The following XKR9 variants were observed in gnomAD, a reference collection of about 807,000 sequenced individuals.
The protein encoded by XKR9 is XK related 9.
Under a neutral mutation model 32.0 loss-of-function variants are expected in XKR9, and 32 were observed. The observed-to-expected ratio is 1.00, with a 90% CI of 0.76 to 1.34. The LOEUF (loss-of-function observed/expected upper bound fraction) is 1.34. XKR9 is among the 40% of genes most tolerant of loss of function. XKR9 has a pLI of 0.00. For synonymous variants in XKR9, 168 were observed against 143.4 expected (o/e 1.17, Z -1.22); for missense variants, 546 against 429.7 (o/e 1.27, Z -2.39).
At chr8:70,813,836 C>A in the XKR9 span, among the ~76,000 whole-genome samples, 44,930 of 152,136 alleles carry the variant, frequency 0.3, 8,626 homozygotes, top group Non-Finnish European at 0.43. Context: ...TACTTTTACA[C>A]TGTTGGTGGG....
chr8:71,005,261 T>C, the XKR9 span, among the ~76,000 whole-genome samples: 1 of 148,558 alleles, frequency 6.7e-6, no homozygotes, highest in African/African-American at 2.5e-5. Context: ...TCGCTCTTCG[T>C]GCCCAGGCTG....
chr8:70,763,806 G>T (rs779151263), intron 2 of XKR9, among the ~76,000 whole-genome samples: 6 of 152,168 alleles, frequency 3.9e-5, no homozygotes, highest in Non-Finnish European at 8.8e-5. Flanking sequence ...CTTATACCCT[G>T]GCCTTGTTGC....
chr8:70,758,857 A>G (rs1807266509), intron 2 of XKR9, among the ~76,000 whole-genome samples: 1 of 152,184 alleles, frequency 6.6e-6, no homozygotes, highest in African/African-American at 2.4e-5. Flanking sequence ...CTCTCCTTAT[A>G]TGGCCTTACC....
the XKR9 span, among the ~76,000 whole-genome samples, chr8:70,878,079 G>T: frequency 9.2e-5 from 14 of 152,248 alleles, no homozygotes; most frequent in African/African-American, 3.4e-4. Context: ...AAGTGCAGGA[G>T]AAATAAAATC....
the XKR9 span, among the ~76,000 whole-genome samples, chr8:70,795,445 G>A: frequency 5.9e-5 from 9 of 152,164 alleles, no homozygotes; most frequent in Non-Finnish European, 1.0e-4. Context: ...ATGGACACAT[G>A]TCCACACATG....
At chr8:70,739,787 A>T (rs187494920), downstream of XKR9, among the ~76,000 whole-genome samples, 281 of 152,296 alleles carry the variant, frequency 1.8e-3, 1 homozygote, top group African/African-American at 6.4e-3. Context: ...AGAATGTTGA[A>T]TATTGGCCCC....
At chr8:70,867,031 T>C in the XKR9 span, among the ~76,000 whole-genome samples, 3 of 152,142 alleles carry the variant, frequency 2.0e-5, no homozygotes, top group African/African-American at 7.2e-5. Context: ...TTCACGCTGC[T>C]GATAAAGACA....
chr8:70,720,974 C>G (rs1379482982), intron 4 of XKR9, among the ~76,000 whole-genome samples: 2 of 152,144 alleles, frequency 1.3e-5, no homozygotes, highest in African/African-American at 4.8e-5. Context: ...TCCTCAATTT[C>G]AAAACTTGTT....
the XKR9 span, among the ~76,000 whole-genome samples, chr8:70,978,966 T>C: frequency 6.6e-6 from 1 of 152,202 alleles, no homozygotes. Flanking sequence ...ATTTCTCTTC[T>C]CACTTCATTT....
the XKR9 span, among the ~76,000 whole-genome samples, chr8:70,941,170 G>A: frequency 6.6e-6 from 1 of 151,584 alleles, no homozygotes; most frequent in African/African-American, 2.4e-5. Context: ...TCTGTCTTTT[G>A]GGATTTACAT....
At chr8:70,746,346 T>C (rs1311899593) in intron 2 of XKR9, among the ~76,000 whole-genome samples, 1 of 147,864 alleles carries the variant, frequency 6.8e-6, no homozygotes, top group Non-Finnish European at 1.5e-5. Flanking sequence ...ATAAAGAATA[T>C]AGAATATAAA....
chr8:70,755,933 T>C (rs908279107), intron 2 of XKR9, among the ~76,000 whole-genome samples: 4 of 152,044 alleles, frequency 2.6e-5, no homozygotes, highest in Non-Finnish European at 5.9e-5. Context: ...AAAAAAGATT[T>C]TGGTTTCATA....
intron 2 of XKR9, among the ~76,000 whole-genome samples, chr8:70,761,249 A>C (rs1807305027): frequency 6.6e-6 from 1 of 152,218 alleles, no homozygotes; most frequent in Admixed American, 6.5e-5. Flanking sequence ...TGCCTGGTTG[A>C]ATGGTGTTTC....
chr8:70,676,875 C>A (rs1300312951), intron 2 of XKR9, among the ~76,000 whole-genome samples: 1 of 152,024 alleles, frequency 6.6e-6, no homozygotes, highest in South Asian at 2.1e-4. Flanking sequence ...CAACCCAAAC[C>A]TGCTACTACT....
the XKR9 span, among the ~76,000 whole-genome samples, chr8:71,035,019 G>A: frequency 4.5e-4 from 68 of 152,166 alleles, no homozygotes; most frequent in African/African-American, 1.6e-3. Flanking sequence ...ATTCCTTATT[G>A]TTGGATAAAC....
chr8:70,794,795 G>A (rs559785072), downstream of XKR9, among the ~76,000 whole-genome samples: 32 of 146,084 alleles, frequency 2.2e-4, no homozygotes, highest in Non-Finnish European at 2.6e-4. Context: ...GTCTATATTC[G>A]TACGATATAA....
the XKR9 span, among the ~76,000 whole-genome samples, chr8:71,008,719 T>A: frequency 6.6e-6 from 1 of 152,324 alleles, no homozygotes; most frequent in Non-Finnish European, 1.5e-5. Flanking sequence ...CTCGACCTCC[T>A]GAGCTCATGC....
At chr8:70,758,301 C>G (rs772464153) in intron 2 of XKR9, among the ~76,000 whole-genome samples, 1 of 152,108 alleles carries the variant, frequency 6.6e-6, no homozygotes, top group Non-Finnish European at 1.5e-5. Context: ...TTACCCTGAC[C>G]ACACTTAGCT....
chr8:70,783,364 C>G (rs1807642336), intron 2 of XKR9, among the ~76,000 whole-genome samples: 1 of 151,906 alleles, frequency 6.6e-6, no homozygotes, highest in Non-Finnish European at 1.5e-5. Flanking sequence ...GTAGCTGGGA[C>G]TACAGGCACC....
Sources: allele counts gnomAD v4.1 joint callset (sites outside exome capture counted in the v4.1 genomes callset), GRCh38; gene constraint gnomAD v4.1.1; transcripts MANE v1.5; gene names NCBI Gene and HGNC (gene_info 2026-07-23, HGNC 2026-07-21).